STPG2: variants seen among roughly 807,000 people sequenced by gnomAD.
STPG2 encodes the protein sperm tail PG-rich repeat containing 2.
In STPG2, 56 loss-of-function variants were observed where a neutral mutation model predicts 54.2. The ratio of observed to expected loss-of-function variants is 1.03; its 90% CI spans 0.83 to 1.29. The LOEUF (loss-of-function observed/expected upper bound fraction) is 1.29, where lower values mean the gene tolerates loss of function less well. STPG2 is among the 50% of genes most tolerant of loss of function. The pLI is 0.00. For missense variants in STPG2, 596 were observed against 544.9 expected (o/e 1.09, Z -0.93); for synonymous variants, 200 against 181.8 (o/e 1.10, Z -0.81).
intron 4 of STPG2, among the ~76,000 whole-genome samples, chr4:97,527,212 A>G (rs1731299962): frequency 1.3e-5 from 2 of 151,874 alleles, no homozygotes; most frequent in African/African-American, 4.8e-5. Context: ...ATGTGTTCTC[A>G]TTGTTCAACT....
At chr4:97,833,029 C>T in intron 9 of STPG2, among the ~76,000 whole-genome samples, 1 of 152,082 alleles carries the variant, frequency 6.6e-6, no homozygotes, top group East Asian at 1.9e-4. Flanking sequence ...TCATATGGAA[C>T]CAAAAGGAGC....
chr4:97,814,143 A>G (rs112671206), intron 9 of STPG2, among the ~76,000 whole-genome samples: 3 of 152,284 alleles, frequency 2.0e-5, no homozygotes, highest in African/African-American at 7.2e-5. Context: ...ATTTATAACA[A>G]ATGTATTTTG....
Position 98,106,025 on chromosome 4 carries a change from T to C in STPG2, c.540A>G (p.Arg180=). 3 of 1,523,896 alleles carry C rather than the reference T, an allele frequency of 2.0e-6. No homozygotes were observed. Among genetic ancestry groups the C allele is most frequent in the Non-Finnish European group, 2.7e-6 (3 of 1,114,164 alleles). 94.4% of individuals were successfully genotyped at this position (1,523,896 alleles called of 1,614,324 possible). A position where few individuals can be genotyped will look rare whatever the true frequency, so the allele number is the denominator to read the frequency against. The change falls in exon 5 of 11, where the codon AGA becomes AGG. Residue 180 remains arginine (R), a synonymous_variant. Coordinates refer to ENST00000295268, the MANE Select transcript of STPG2 (RefSeq NM_174952.3). ...ATGAACAATAATTTTGTTGTTGATC[T>C]CTCTTGATGTTAACATTTTCATAAT... is the stretch of plus-strand genomic sequence containing the variant. The part of the protein sequence containing the change: ...TSYYENVNIK[R]DQQQNYCSFI...
chr4:97,634,261 A>G (rs1721418886), intron 10 of STPG2, among the ~76,000 whole-genome samples: 1 of 151,930 alleles, frequency 6.6e-6, no homozygotes, highest in South Asian at 2.1e-4. Context: ...GGGTACTCCA[A>G]CAGACCTGCA....
intron 8 of STPG2, among the ~76,000 whole-genome samples, chr4:97,924,182 G>A (rs920959147): frequency 8.5e-5 from 13 of 152,230 alleles, no homozygotes; most frequent in Admixed American, 1.3e-4. Context: ...GAACACATCC[G>A]AACATCAGAA....
chr4:97,489,207 C>T (rs1472923850), intron 4 of STPG2, among the ~76,000 whole-genome samples: 1 of 151,676 alleles, frequency 6.6e-6, no homozygotes, highest in Non-Finnish European at 1.5e-5. Flanking sequence ...GCCTCCACAC[C>T]CATTTGGAAC....
chr4:98,052,015 A>G (rs1737337595), intron 5 of STPG2, among the ~76,000 whole-genome samples: 1 of 150,658 alleles, frequency 6.6e-6, no homozygotes, highest in African/African-American at 2.4e-5. Flanking sequence ...TGAACACGGG[A>G]GGCGGAGGTT....
intron 4 of STPG2, among the ~76,000 whole-genome samples, chr4:97,471,449 C>G (rs930265573): frequency 6.6e-6 from 1 of 152,088 alleles, no homozygotes; most frequent in Non-Finnish European, 1.5e-5. Flanking sequence ...AATGCTATTG[C>G]TAATAATTCA....
chr4:97,704,471 T>C (rs1240967940), intron 10 of STPG2, among the ~76,000 whole-genome samples: 1 of 152,176 alleles, frequency 6.6e-6, no homozygotes, highest in Non-Finnish European at 1.5e-5. Context: ...GAACATAATC[T>C]GTCTCCTAAA....
intron 10 of STPG2, among the ~76,000 whole-genome samples, chr4:97,605,157 C>G (rs28721435): frequency 1.3e-5 from 2 of 151,260 alleles, no homozygotes; most frequent in African/African-American, 4.8e-5. Context: ...TAAAAAGAAA[C>G]GACATTCAGC....
At chr4:97,549,221 T>C (rs1478902535) in intron 4 of STPG2, among the ~76,000 whole-genome samples, 10 of 152,204 alleles carry the variant, frequency 6.6e-5, no homozygotes, top group Admixed American at 6.5e-4. Flanking sequence ...AAGGTATACA[T>C]TACACCATTG....
intron 8 of STPG2, among the ~76,000 whole-genome samples, chr4:97,865,099 C>A (rs371988509): frequency 2.6e-5 from 4 of 151,890 alleles, no homozygotes; most frequent in Non-Finnish European, 5.9e-5. Flanking sequence ...AATGGGATCT[C>A]ATTAAACTAA....
At chr4:98,111,511 T>G (rs572754712) in intron 3 of STPG2, among the ~76,000 whole-genome samples, 29 of 152,108 alleles carry the variant, frequency 1.9e-4, no homozygotes, top group Non-Finnish European at 3.8e-4. Context: ...AAAAAGAAGC[T>G]GGCGCACACT....
At chr4:97,740,991 G>A (rs1282517343) in intron 9 of STPG2, among the ~76,000 whole-genome samples, 1 of 152,082 alleles carries the variant, frequency 6.6e-6, no homozygotes, top group Admixed American at 6.5e-5. Flanking sequence ...AACCAAAACA[G>A]CATGGTACTG....
At chr4:97,480,489 C>A (rs780889129) in intron 4 of STPG2, among the ~76,000 whole-genome samples, 16 of 151,482 alleles carry the variant, frequency 1.1e-4, no homozygotes, top group Admixed American at 8.6e-4. Flanking sequence ...AATACAAAAA[C>A]CAGATAAAAA....
chr4:97,738,043 C>T (rs751560278), intron 9 of STPG2, among the ~76,000 whole-genome samples: 27 of 152,058 alleles, frequency 1.8e-4, no homozygotes, highest in African/African-American at 5.6e-4. Context: ...CAGAAGAGAG[C>T]GAAGGCCAAT....
chr4:97,520,576 G>C (rs1731160037), intron 4 of STPG2, among the ~76,000 whole-genome samples: 1 of 151,988 alleles, frequency 6.6e-6, no homozygotes, highest in South Asian at 2.1e-4. Flanking sequence ...AATTTCCTCT[G>C]TGTATATACT....
intron 4 of STPG2, among the ~76,000 whole-genome samples, chr4:97,450,480 G>T (rs1224439903): frequency 6.6e-6 from 1 of 152,104 alleles, no homozygotes; most frequent in African/African-American, 2.4e-5. Flanking sequence ...AAAATAAGAA[G>T]AATGGACCAA....
At chr4:97,655,832 C>T (rs76551554) in intron 10 of STPG2, among the ~76,000 whole-genome samples, 1,533 of 152,078 alleles carry the variant, frequency 0.01, 25 homozygotes, top group African/African-American at 0.035. Flanking sequence ...TAACAAAATA[C>T]GTAAATATAT....
Sources: gnomAD v4.1 joint callset for allele counts (sites outside exome capture counted in the v4.1 genomes callset) on GRCh38, gnomAD v4.1.1 for gene constraint, MANE v1.5 for transcripts, NCBI Gene and HGNC (gene_info 2026-07-23, HGNC 2026-07-21) for gene names.